Variants in DOK4 observed in about 807,000 individuals in gnomAD.
DOK4 encodes downstream of tyrosine kinase 4.
A neutral mutation model predicts 40.1 loss-of-function variants in DOK4; 26 were observed. The observed-to-expected ratio is 0.65, with a 90% CI of 0.48 to 0.90. The LOEUF is 0.90. Ranked by LOEUF, DOK4 falls within the 40% of genes least tolerant of loss-of-function variation. The pLI is 0.00. For missense variants in DOK4, 392 were observed against 437.2 expected (o/e 0.90, Z 0.92); for synonymous variants, 179 against 177.0 (o/e 1.01, Z -0.09).
At chr16:57,472,597 C>T (rs978252310) in exon 9 of DOK4, 1 of 152,680 alleles carries the variant, frequency 6.5e-6, no homozygotes. Flanking sequence ...GCGGCCTTCC[C>T]TCCTGGCCTA....
At chr16:57,481,049 C>T (rs1014022876) in intron 1 of DOK4, among the ~76,000 whole-genome samples, 10 of 152,112 alleles carry the variant, frequency 6.6e-5, no homozygotes, top group Non-Finnish European at 1.2e-4. Context: ...TCAGGATCAG[C>T]GGGTGGGAAC....
exon 9 of DOK4, chr16:57,473,006 G>T: frequency 4.7e-6 from 1 of 213,186 alleles, no homozygotes; most frequent in Non-Finnish European, 9.5e-6. Context: ...GGATGGACAC[G>T]ACTGCACTCA....
Position 57,473,895 on chromosome 16 carries a change from C to T in DOK4, c.738+6G>A. The T allele has an allele frequency of 7.3e-7, 1 of 1,370,576 alleles. No individual in the cohort carries two copies. Among genetic ancestry groups the T allele is most frequent in the Non-Finnish European group, 1.0e-6 (1 of 974,476 alleles). The allele number at this position is 1,370,576 out of a possible 1,614,324, so 84.9% of individuals were successfully genotyped here. A position where few individuals can be genotyped will look rare whatever the true frequency, so the allele number is the denominator to read the frequency against. ...CCGTACCCTGGACTGATGCCCGCTG[C>T]CTCACCCTCACGTTCTTCTCCATTT... On this transcript the variant is annotated splice_donor_region_variant and intron_variant, in intron 7 of 8. Coordinates refer to ENST00000340099, the Ensembl canonical transcript of DOK4.
chr16:57,486,177 G>A (rs1201162049), intron 1 of DOK4, 128 bp downstream of exon 1: 1 of 152,212 alleles, frequency 6.6e-6, no homozygotes, highest in Middle Eastern at 3.2e-3. Context: ...GAGTAGGAAG[G>A]TCCCATGGGA....
exon 9 of DOK4, chr16:57,473,388 G>C: frequency 1.2e-6 from 2 of 1,613,502 alleles, no homozygotes; most frequent in Non-Finnish European, 1.7e-6. Context: ...CACTGGGATG[G>C]GGTCTTGGCC....
At position 57,475,421 on chromosome 16, in the gene DOK4, T is replaced by A; in HGVS notation, c.289+85A>T. 3 of 1,418,630 alleles carry A rather than the reference T, an allele frequency of 2.1e-6. No individual in the cohort carries two copies. The South Asian group carries it at 3.7e-5, about 17-fold the overall frequency. The allele number at this position is 1,418,630 out of a possible 1,614,324, so 87.9% of individuals were successfully genotyped here. On this transcript the variant is annotated intron_variant, in intron 4 of 8. Transcript: ENST00000340099. Reference sequence around the variant, plus strand: ...CCACACCACCATCTCCACCCAGGGTTAGCCCTGCTCTGCCCGCTCCTAGCT... The same window carrying A: ...CCACACCACCATCTCCACCCAGGGTAAGCCCTGCTCTGCCCGCTCCTAGCT...
exon 6 of DOK4, chr16:57,474,843 T>G: frequency 6.2e-7 from 1 of 1,614,062 alleles, no homozygotes; most frequent in African/African-American, 1.3e-5. Flanking sequence ...AGCGGCGCAG[T>G]GAGCAGAGGG....
At chr16:57,486,497 C>G (rs1450850728), upstream of DOK4, 1 of 151,028 alleles carries the variant, frequency 6.6e-6, no homozygotes, top group African/African-American at 2.4e-5. Context: ...GGACTCCGCT[C>G]CGCTCCCCCC....
At chr16:57,475,663 T>A (rs2031124401) in intron 3 of DOK4, 43 bp from the exon 4 acceptor site, 1 of 489,574 alleles carries the variant, frequency 2.0e-6, no homozygotes, top group African/African-American at 6.9e-5. Flanking sequence ...CCAGTGCATC[T>A]CTCTCTCTCT....
chr16:57,474,773 G>A lies in DOK4; in HGVS notation c.599+20C>T, dbSNP rs1315978184. The A allele has an allele frequency of 1.9e-6, 3 of 1,611,080 alleles. No homozygotes were observed. Among genetic ancestry groups the A allele is most frequent in the African/African-American group, 1.3e-5 (1 of 74,860 alleles). ...CATCACACCATAGTAGGACAGGGCT[G>A]GGAGGCGAGAGGGTCCTACCGGCCA... is the stretch of plus-strand genomic sequence containing the variant. On this transcript the variant is annotated intron_variant, in intron 6 of 8. Coordinates refer to ENST00000340099, the Ensembl canonical transcript of DOK4.
At chr16:57,475,411 C>A in intron 4 of DOK4, 95 bp downstream of exon 4, 1 of 1,389,872 alleles carries the variant, frequency 7.2e-7, no homozygotes, top group African/African-American at 1.4e-5. Context: ...CCACCATCTC[C>A]ACCCAGGGTT....
At chr16:57,477,194 G>A (rs1407975460) in intron 2 of DOK4, among the ~76,000 whole-genome samples, 1 of 152,160 alleles carries the variant, frequency 6.6e-6, no homozygotes, top group Non-Finnish European at 1.5e-5. Context: ...GGCAGGCAGG[G>A]TCCCAGGGTG....
rs1205783690 is a variant in DOK4 at position 57,478,432 on chromosome 16, C to T, written c.66+1010G>A. The stretch of plus-strand genomic sequence containing the variant: ...CTGAGCCGACCCGCCCCCTTCAAGG[C>T]AATGGGAGAGAGAAGGGAGAAGGGG... On this transcript the variant is annotated intron_variant, in intron 2 of 8. Coordinates refer to ENST00000340099, the Ensembl canonical transcript of DOK4. 2.0e-5 allele frequency: 3 copies of T among 151,244 alleles called. No individual in the cohort carries two copies. The East Asian group carries it at 5.8e-4, about 29-fold the overall frequency. 9.4% of individuals were successfully genotyped at this position (151,244 alleles called of 1,614,324 possible). A position where few individuals can be genotyped will look rare whatever the true frequency, so the allele number is the denominator to read the frequency against.
At chr16:57,473,949 G>A (rs904031487) in exon 7 of DOK4, 25 of 1,611,840 alleles carry the variant, frequency 1.6e-5, no homozygotes, top group African/African-American at 4.0e-5. Context: ...GCTGCTCTGC[G>A]ATGGCCAGGG....
chr16:57,473,066 G>A (rs182214151), exon 9 of DOK4: 1 of 324,920 alleles, frequency 3.1e-6, no homozygotes, highest in African/African-American at 2.1e-5. Flanking sequence ...TAAAAAATTT[G>A]TGTGTATTGG....
intron 1 of DOK4, among the ~76,000 whole-genome samples, chr16:57,483,388 T>G (rs933303491): frequency 2.2e-4 from 34 of 151,966 alleles, no homozygotes; most frequent in Admixed American, 1.6e-3. Flanking sequence ...CCCAACACTT[T>G]GGGAGGCCAA....
rs373879594 is a variant in DOK4 at position 57,479,077 on chromosome 16, G to A, written c.66+365C>T. ...GAGAGGAGGCCAGGGGAAGTGAGAC[G>A]CTGCTTCTCAGCTCAGACACAGCCC... On this transcript the variant is annotated intron_variant, in intron 2 of 8. Transcript: ENST00000340099. The surrounding 1 kb of genome is among the most constrained non-coding windows in gnomAD (Gnocchi z 5.8). Among the ~76,000 whole-genome samples the A allele has an allele frequency of 2.6e-5, 4 of 152,284 alleles. No individual in the cohort carries two copies. In the South Asian group the frequency reaches 6.2e-4, roughly 24 times the overall value.
At chr16:57,474,193 T>C (rs2031036789) in intron 6 of DOK4, among the ~76,000 whole-genome samples, 154 bp from the exon 7 acceptor site, 1 of 152,124 alleles carries the variant, frequency 6.6e-6, no homozygotes, top group African/African-American at 2.4e-5. Context: ...ACGGTGCAAA[T>C]GTGCTGAGCA....
intron 1 of DOK4, among the ~76,000 whole-genome samples, chr16:57,481,001 G>A (rs1036817460): frequency 4.6e-5 from 7 of 152,164 alleles, no homozygotes; most frequent in East Asian, 1.9e-4. Context: ...ATCCATCCTC[G>A]GGGGCAGGGT....
Sources: allele counts gnomAD v4.1 joint callset (sites outside exome capture counted in the v4.1 genomes callset), GRCh38; gene constraint gnomAD v4.1.1; non-coding constraint Gnocchi (gnomAD v3.1); transcripts MANE v1.5; gene names NCBI Gene and HGNC (gene_info 2026-07-23, HGNC 2026-07-21).